IRF7: variants seen among roughly 807,000 people sequenced by gnomAD.
IRF7 encodes interferon regulatory factor 7, also known as interferon regulatory factor-7H.
Under a neutral mutation model 51.3 loss-of-function variants are expected in IRF7, and 67 were observed. The ratio of observed to expected loss-of-function variants is 1.31; its 90% CI spans 1.07 to 1.60. IRF7 has a LOEUF of 1.60. Ranked by LOEUF, IRF7 falls within the 40% of genes most tolerant of loss-of-function variation. The probability of loss-of-function intolerance (pLI) is 0.00; values close to 1 mark genes in which losing one functional copy is unlikely to be tolerated. For missense variants in IRF7, 873 were observed against 701.5 expected (o/e 1.24, Z -2.76); for synonymous variants, 427 against 301.3 (o/e 1.42, Z -4.32).
In IRF7 at chr11:615,391, G is replaced by T; in HGVS notation, c.-27C>A. The stretch of plus-strand genomic sequence containing the variant: ...GCTCCTTCTGCAGGGGCAGTTAGGT[G>T]GCGGTCAGGTGTTATAACAGGGGAG... On this transcript the variant is annotated 5_prime_UTR_variant, in exon 2 of 11. Transcript: ENST00000525445. 6.7e-7 allele frequency: 1 copy of T among 1,487,188 alleles called. No homozygotes were observed. The highest frequency in any genetic ancestry group is 8.9e-7 in the Non-Finnish European group (1 of 1,124,786). The allele number at this position is 1,487,188 out of a possible 1,614,324, so 92.1% of individuals were successfully genotyped here. A position where few individuals can be genotyped will look rare whatever the true frequency, so the allele number is the denominator to read the frequency against.
chr11:614,928 CGCTCCGCA>C lies in IRF7; in HGVS notation c.255_262del (p.Ala86ArgfsTer23), dbSNP rs778776994. 1.0e-5 allele frequency: 16 copies of C among 1,582,620 alleles called. No individual in the cohort carries two copies. The highest frequency in any genetic ancestry group is 1.4e-5 in the Non-Finnish European group (16 of 1,167,100). On this transcript the variant is annotated frameshift_variant, in exon 4 of 11. Transcript: ENST00000525445. LOFTEE classifies it high-confidence loss of function. ...GCGGAAGTTGGTTTTCCAGCCGGCG[CGCTCCGCA>C]GTCTCAGCCTCGGGGGGCGGGCCAC...
Position 614,416 on chromosome 11 carries a change from G to C in IRF7, c.454-17C>G, listed in dbSNP as rs1479429263. On this transcript the variant is annotated splice_polypyrimidine_tract_variant and intron_variant, in intron 5 of 10. Coordinates refer to ENST00000525445, the MANE Select transcript of IRF7 (RefSeq NM_001572.5). The stretch of plus-strand genomic sequence containing the variant: ...GGGCCCACCCTGCAGGGAAAAGTCA[G>C]GGTGAACGTAAGCAGCTCCGCGGCC... 22 of 1,593,442 alleles carry C rather than the reference G, an allele frequency of 1.4e-5. 1 individual carries two copies. The South Asian group carries it at 1.9e-4, about 14-fold the overall frequency.
Position 613,394 on chromosome 11 carries a change from A to G in IRF7, c.1049T>C (p.Leu350Pro). The G allele has an allele frequency of 6.3e-7, 1 of 1,596,982 alleles. No homozygotes were observed. Among genetic ancestry groups the G allele is most frequent in the South Asian group, 1.1e-5 (1 of 88,916 alleles). ...GTGCAACCCAGGGGCCACGTGCCGC[A>G]GCAGTTCCTCCGTGTAGCGCAGCTG... ...QKQLRYTEEL[L>P]RHVAPGLHLE... is the part of the protein sequence containing the mutation. Residue 350 changes from leucine to proline, a missense_variant, in exon 9 of 11, where the codon CTG becomes CCG. Leu to Pro is a moderately conservative substitution (Grantham distance 98). Coordinates refer to ENST00000525445, the MANE Select transcript of IRF7 (RefSeq NM_001572.5).
chr11:614,030 C>T lies in IRF7; in HGVS notation c.687G>A (p.Gly229=), dbSNP rs1856653538. Residue 229 remains glycine (G), a synonymous_variant, in exon 7 of 11, where the codon GGG becomes GGA. Coordinates refer to ENST00000525445, the MANE Select transcript of IRF7 (RefSeq NM_001572.5). ...ACCCGTACAGCTCCCCAGCAGGGAG[C>T]CCTGGGCCTGAGGAGGGGAGGACAG... ...PLTGACAGGP[G]LPAGELYGWA... 1.2e-6 allele frequency: 2 copies of T among 1,607,852 alleles called. No individual in the cohort carries two copies. Among genetic ancestry groups the T allele is most frequent in the Non-Finnish European group, 1.7e-6 (2 of 1,177,970 alleles).
intron 3 of IRF7, 21 bp downstream of exon 3, chr11:615,076 G>A: frequency 6.4e-7 from 1 of 1,566,564 alleles, no homozygotes; most frequent in Non-Finnish European, 8.6e-7. Context: ...ACCCGGGGCG[G>A]GGCGGGGCTG....
chr11:615,590 A>G lies in IRF7; in HGVS notation c.-226T>C, dbSNP rs1362506023. On this transcript the variant is annotated 5_prime_UTR_variant, in exon 2 of 11. The change abolishes an upstream ATG in the 5' untranslated region. Coordinates refer to ENST00000525445, the MANE Select transcript of IRF7 (RefSeq NM_001572.5). ...CTGCAGGTGTGGCCGGCGCGCACAC[A>G]TGAAGTCACAGGTGTTGAACCAGTG... is the stretch of plus-strand genomic sequence containing the variant. 6.1e-6 allele frequency: 3 copies of G among 495,828 alleles called. No individual in the cohort carries two copies. Among genetic ancestry groups the G allele is most frequent in the South Asian group, 7.5e-5 (2 of 26,718 alleles). 30.7% of individuals were successfully genotyped at this position (495,828 alleles called of 1,614,324 possible).
In IRF7 at chr11:614,880, C is replaced by T. The variant is rs773728605; in HGVS notation, c.311G>A (p.Arg104His). ...NFRCALRSTR[R>H]FVMLRDNSGD... ...CGAGTTATCCCGCAGCATCACGAAG[C>T]GACGCGTGCTGCGCAGTGCGCAGCG... The change falls in exon 4 of 11, where the codon CGC (arginine) becomes CAC (histidine). Residue 104 changes from arginine to histidine, a missense_variant. Arg to His is a conservative substitution (Grantham distance 29, BLOSUM62 0). Transcript: ENST00000525445. 6 of 1,581,452 alleles carry T rather than the reference C, an allele frequency of 3.8e-6. No homozygotes were observed. Among genetic ancestry groups the T allele is most frequent in the South Asian group, 3.4e-5 (3 of 86,972 alleles).
Position 613,866 on chromosome 11 carries a change from C to T in IRF7, c.767-1G>A, listed in dbSNP as rs1405209377. On this transcript the variant is annotated splice_acceptor_variant, in intron 7 of 10. Coordinates refer to ENST00000525445, the MANE Select transcript of IRF7 (RefSeq NM_001572.5). LOFTEE classifies it high-confidence loss of function. ...GGGGACTCTGGGGCCGCGGCCTCGC[C>T]TGCATCCGGAAGGGAATCCTGTGCT... The T allele has an allele frequency of 7.5e-6, 12 of 1,599,026 alleles. No individual in the cohort carries two copies. The highest frequency in any genetic ancestry group is 1.0e-5 in the Non-Finnish European group (12 of 1,174,116).
chr11:614,388 T>A lies in IRF7; in HGVS notation c.465A>T (p.Pro155=), dbSNP rs752812015. The A allele has an allele frequency of 2.0e-5, 32 of 1,605,132 alleles. No individual in the cohort carries two copies. Among genetic ancestry groups the A allele is most frequent in the Non-Finnish European group, 2.6e-5 (31 of 1,176,542 alleles). ...AAVPPPQGGP[P]GPFLAHTHAG... ...CATGTGTGTGTGCCAGGAATGGCCCTGGGGGCCCACCCTGCAGGGAAAAGT... is the reference window on the plus strand; with the variant it reads ...CATGTGTGTGTGCCAGGAATGGCCCAGGGGGCCCACCCTGCAGGGAAAAGT... The change falls in exon 6 of 11, where the codon CCA becomes CCT. Residue 155 remains proline, a synonymous_variant. Coordinates refer to ENST00000525445, the MANE Select transcript of IRF7 (RefSeq NM_001572.5).
Position 614,212 on chromosome 11 carries a change from C to T in IRF7, c.641G>A (p.Gly214Glu), listed in dbSNP as rs140823442. The T allele has an allele frequency of 6.7e-4, 1,076 of 1,613,048 alleles. No individual in the cohort carries two copies. Among genetic ancestry groups the T allele is most frequent in the African/African-American group, 9.9e-4 (74 of 75,054 alleles). The change falls in exon 6 of 11, where the codon GGA (glycine) becomes GAA (glutamate). Residue 214 changes from glycine to glutamate, a missense_variant. Coordinates refer to ENST00000525445, the MANE Select transcript of IRF7 (RefSeq NM_001572.5). ...CCCAGTCAGGGGAAGCCCTTCTTGT[C>T]CCTCTCCAGGAGCCTTGGTTGGGAC... is the stretch of plus-strand genomic sequence containing the variant. Reference protein sequence around the residue: ...DPVPTKAPGEGQEGLPLTGAC... With the variant: ...DPVPTKAPGEEQEGLPLTGAC...
chr11:615,326 G>A lies in IRF7; in HGVS notation c.20+19C>T. The A allele has an allele frequency of 3.2e-6, 5 of 1,553,178 alleles. No homozygotes were observed. Among genetic ancestry groups the A allele is most frequent in the Non-Finnish European group, 4.3e-6 (5 of 1,154,660 alleles). On this transcript the variant is annotated intron_variant, in intron 2 of 10. Coordinates refer to ENST00000525445, the MANE Select transcript of IRF7 (RefSeq NM_001572.5). Reference sequence around the variant, plus strand: ...GCGCTCGGGGACTGGCATCTGGAGAGGGTGGGCCGGGCTCTTACCTCTCAG... The same window carrying A: ...GCGCTCGGGGACTGGCATCTGGAGAAGGTGGGCCGGGCTCTTACCTCTCAG...
Position 613,824 on chromosome 11 carries a change from A to G in IRF7, c.808T>C (p.Tyr270His), listed in dbSNP as rs990618165. 2 of 1,586,664 alleles carry G rather than the reference A, an allele frequency of 1.3e-6. No homozygotes were observed. The highest frequency in any genetic ancestry group is 4.5e-5 in the East Asian group (2 of 44,292). The change falls in exon 8 of 11, where the codon TAC becomes CAC. Residue 270 changes from tyrosine (Y) to histidine (H), a missense_variant. Physicochemically the swap from Tyr to His is moderately conservative, Grantham distance 83. Transcript: ENST00000525445. Reference protein sequence around the residue: ...APESPHQAEPYLSPSPSACTA... With the variant: ...APESPHQAEPHLSPSPSACTA... ...CAGGCGCTTGGGGAGGGTGACAGGTACGGCTCTGCCTGGTGCGGGGACTCT... is the reference window on the plus strand; with the variant it reads ...CAGGCGCTTGGGGAGGGTGACAGGTGCGGCTCTGCCTGGTGCGGGGACTCT...
rs368359584 is a variant in IRF7, at chr11:615,206, C to T, written c.74G>A (p.Gly25Asp). ...GEWLLGEISSGCYEGLQWLDE... is the reference protein window; with the variant it reads ...GEWLLGEISSDCYEGLQWLDE... ...CAGCCACTGCAGCCCCTCATAGCAGCCGCTGCTGATCTCTCCAAGGAGCCA... is the reference window on the plus strand; with the variant it reads ...CAGCCACTGCAGCCCCTCATAGCAGTCGCTGCTGATCTCTCCAAGGAGCCA... Residue 25 changes from glycine (G) to aspartate (D), a missense_variant, in exon 3 of 11, where the codon GGC (glycine) becomes GAC (aspartate). Gly to Asp is a moderately conservative substitution (Grantham distance 94). Transcript: ENST00000525445. 6 of 1,600,020 alleles carry T rather than the reference C, an allele frequency of 3.7e-6. No individual in the cohort carries two copies. The highest frequency in any genetic ancestry group is 5.1e-6 in the Non-Finnish European group (6 of 1,177,032).
At position 613,393 on chromosome 11, in the gene IRF7, C is replaced by T. The variant is rs1188984179; in HGVS notation, c.1050G>A (p.Leu350=). 6.3e-7 allele frequency: 1 copy of T among 1,597,050 alleles called. No individual in the cohort carries two copies. Among genetic ancestry groups the T allele is most frequent in the East Asian group, 2.2e-5 (1 of 44,814 alleles). ...QKQLRYTEEL[L]RHVAPGLHLE... ...GGTGCAACCCAGGGGCCACGTGCCG[C>T]AGCAGTTCCTCCGTGTAGCGCAGCT... is the stretch of plus-strand genomic sequence containing the variant. The change falls in exon 9 of 11, where the codon CTG becomes CTA. Residue 350 remains leucine (L), a synonymous_variant. Coordinates refer to ENST00000525445, the MANE Select transcript of IRF7 (RefSeq NM_001572.5).
rs1292283399 is a variant in IRF7 at position 613,579 on chromosome 11, C to T, written c.864G>A (p.Ala288=). 5 of 1,566,000 alleles carry T rather than the reference C, an allele frequency of 3.2e-6. No individual in the cohort carries two copies. The highest frequency in any genetic ancestry group is 2.3e-5 in the East Asian group (1 of 44,336). The part of the protein sequence containing the change: ...CTAVQEPSPG[A]LDVTIMYKGR... ...CCTTGTACATGATGGTCACGTCCAG[C>T]GCCCCTGGGCTGGGCTCTGTGTGGA... Residue 288 remains alanine (A), a synonymous_variant, in exon 9 of 11, where the codon GCG becomes GCA. Coordinates refer to ENST00000525445, the MANE Select transcript of IRF7 (RefSeq NM_001572.5).
At chr11:614,587 A>AG in intron 4 of IRF7, 53 bp from the exon 5 acceptor site, 4 of 1,541,968 alleles carry the variant, frequency 2.6e-6, no homozygotes, top group Non-Finnish European at 1.8e-6. Flanking sequence ...GAGAGATACA[A>AG]GGAGAGCCTG....
intron 3 of IRF7, 35 bp from the exon 4 acceptor site, chr11:615,042 G>C: frequency 6.5e-7 from 1 of 1,548,554 alleles, no homozygotes; most frequent in Non-Finnish European, 8.7e-7. Flanking sequence ...TGCCGGGCCC[G>C]CGGGGTCCTA....
Position 613,437 on chromosome 11 carries a change from C to T in IRF7, c.1006G>A (p.Glu336Lys), listed in dbSNP as rs758734626. ...PQQVAFPSPA[E>K]LPDQKQLRYT... ...CGCAGCTGCTTCTGGTCCGGGAGCT[C>T]GGCAGGGCTGGGGAATGCTACCTGC... The change falls in exon 9 of 11, where the codon GAG (glutamate) becomes AAG (lysine). Residue 336 changes from glutamate to lysine, a missense_variant. Physicochemically the swap from Glu to Lys is moderately conservative, Grantham distance 56. Transcript: ENST00000525445. 56 of 1,558,912 alleles carry T rather than the reference C, an allele frequency of 3.6e-5. No homozygotes were observed. The Admixed American group carries it at 6.4e-4, about 18-fold the overall frequency.
In IRF7 at chr11:612,669, A is replaced by G; in HGVS notation, c.1488T>C (p.Leu496=). Residue 496 remains leucine, a synonymous_variant, in exon 11 of 11, where the codon CTT becomes CTC. Coordinates refer to ENST00000525445, the MANE Select transcript of IRF7 (RefSeq NM_001572.5). ...NSLYDDIECF[L]MELEQPA ...TCTAGGCGGGCTGCTCCAGCTCCAT[A>G]AGGAAGCACTCGATGTCGTCATAGA... 6.2e-7 allele frequency: 1 copy of G among 1,613,096 alleles called. No homozygotes were observed.
Sources: allele counts gnomAD v4.1 joint callset, GRCh38; gene constraint gnomAD v4.1.1; transcripts MANE v1.5; gene names NCBI Gene and HGNC (gene_info 2026-07-23, HGNC 2026-07-21).